Variants in DAAM2 observed in about 807,000 individuals in gnomAD.
The protein encoded by DAAM2 is dishevelled associated activator of morphogenesis 2.
Under a neutral mutation model 120.7 loss-of-function variants are expected in DAAM2, and 39 were observed. The observed-to-expected ratio is 0.32, with a 90% CI of 0.25 to 0.42. DAAM2 has a LOEUF of 0.42. DAAM2 is among the 10% of genes least tolerant of loss of function. DAAM2 has a pLI of 1.00. For synonymous variants in DAAM2, 488 were observed against 524.9 expected (o/e 0.93, Z 0.96); for missense variants, 1,283 against 1,401.7 (o/e 0.92, Z 1.35).
At chr6:39,804,775 C>T (rs1261388429) in intron 1 of DAAM2, among the ~76,000 whole-genome samples, 1 of 152,074 alleles carries the variant, frequency 6.6e-6, no homozygotes, top group Non-Finnish European at 1.5e-5. Flanking sequence ...TTGAAGTGAG[C>T]CGGAAGGTGT....
chr6:39,870,383 T>C lies in DAAM2; in HGVS notation c.917T>C (p.Met306Thr). The C allele has an allele frequency of 6.3e-7, 1 of 1,587,466 alleles. No homozygotes were observed. The highest frequency in any genetic ancestry group is 8.6e-7 in the Non-Finnish European group (1 of 1,165,726). ...CTACATCTACGGTATGAATTCCTGA[T>C]GCTGGGTATACAGCCTGTGATTGAC... ...FRLHLRYEFLMLGIQPVIDKL... is the reference protein window; with the variant it reads ...FRLHLRYEFLTLGIQPVIDKL... Residue 306 changes from methionine to threonine, a missense_variant, in exon 8 of 25, where the codon ATG (methionine) becomes ACG (threonine). Met to Thr is a moderately conservative substitution (Grantham distance 81). Coordinates refer to ENST00000274867, the MANE Select transcript of DAAM2 (RefSeq NM_001201427.2).
At chr6:39,808,168 G>C (rs1206402700) in intron 1 of DAAM2, among the ~76,000 whole-genome samples, 4 of 150,930 alleles carry the variant, frequency 2.7e-5, no homozygotes, top group Non-Finnish European at 5.9e-5. Flanking sequence ...AGTATAGGTT[G>C]GTCCAAAAAT....
rs752976832 is a variant in DAAM2 at position 39,904,780 on chromosome 6, A to ATAATC, written c.*2746_*2750dup. On this transcript the variant is annotated 3_prime_UTR_variant, in exon 25 of 25. Coordinates refer to ENST00000274867, the MANE Select transcript of DAAM2 (RefSeq NM_001201427.2). Reference sequence around the variant, plus strand: ...CAGATGACAAATGAGGCTAATGGACATAATCTACAGTGTCCTTTTTCACTT... The same window carrying ATAATC: ...CAGATGACAAATGAGGCTAATGGACATAATCTAATCTACAGTGTCCTTTTTCACTT... 4.4e-5 allele frequency: 20 copies of ATAATC among 454,024 alleles called. No homozygotes were observed. The highest frequency in any genetic ancestry group is 2.6e-4 in the South Asian group (17 of 64,472). The allele number at this position is 454,024 out of a possible 1,614,324, so 28.1% of individuals were successfully genotyped here. A position where few individuals can be genotyped will look rare whatever the true frequency, so the allele number is the denominator to read the frequency against.
intron 8 of DAAM2, 52 bp downstream of exon 8, chr6:39,870,495 G>A (rs1764614186): frequency 8.5e-7 from 1 of 1,178,784 alleles, no homozygotes; most frequent in South Asian, 1.3e-5. Flanking sequence ...CAGTGCCTCA[G>A]ATGGGGATAG....
At chr6:39,873,936 T>C (rs1395557214) in intron 10 of DAAM2, among the ~76,000 whole-genome samples, 1 of 152,204 alleles carries the variant, frequency 6.6e-6, no homozygotes, top group African/African-American at 2.4e-5. Flanking sequence ...CAGAATGCAA[T>C]TTGAAATGAG....
intron 1 of DAAM2, among the ~76,000 whole-genome samples, chr6:39,834,259 G>A (rs1763022476): frequency 6.6e-6 from 1 of 152,166 alleles, no homozygotes; most frequent in Non-Finnish European, 1.5e-5. Flanking sequence ...GATTTAGAGA[G>A]GGGCTTGTTG....
At chr6:39,895,678 C>G (rs2149368823) in intron 19 of DAAM2, among the ~76,000 whole-genome samples, 1 of 152,086 alleles carries the variant, frequency 6.6e-6, no homozygotes, top group Non-Finnish European at 1.5e-5. Flanking sequence ...ACTGAATATT[C>G]AAAAATCATA....
At position 39,861,262 on chromosome 6, in the gene DAAM2, G is replaced by A. The variant is rs918401320; in HGVS notation, c.258+245G>A. 2.2e-5 allele frequency: 12 copies of A among 545,758 alleles called. No homozygotes were observed. The East Asian group carries it at 4.0e-4, about 18-fold the overall frequency. 33.8% of individuals were successfully genotyped at this position (545,758 alleles called of 1,614,324 possible). The stretch of plus-strand genomic sequence containing the variant: ...AGGACCTGCTGCATCCCAGGACTGG[G>A]GCTTGCTGGGAGACAGACAAAGAAG... On this transcript the variant is annotated intron_variant, in intron 3 of 24. Transcript: ENST00000274867.
intron 14 of DAAM2, chr6:39,879,700 T>G (rs1255515890): frequency 1.6e-6 from 1 of 621,542 alleles, no homozygotes; most frequent in African/African-American, 1.8e-5. Context: ...ATGCTGACGT[T>G]GACAAAGTCA....
chr6:39,898,892 G>T lies in DAAM2; in HGVS notation c.2634G>T (p.Glu878Asp). ...EAAKVNLAEL[E>D]KEVGNLRRGL... ...CTCCTTACAGCCTAGCAGAACTGGA[G>T]AAGGAGGTGGGCAACCTCAGGAGGG... Residue 878 changes from glutamate (E) to aspartate (D), a missense_variant, in exon 22 of 25, where the codon GAG (glutamate) becomes GAT (aspartate). This residue lies in a region of DAAM2 where 748 missense variants were observed against 768.6 expected (regional missense o/e 0.97). Transcript: ENST00000274867. The T allele has an allele frequency of 6.2e-7, 1 of 1,612,846 alleles. No individual in the cohort carries two copies. The highest frequency in any genetic ancestry group is 8.5e-7 in the Non-Finnish European group (1 of 1,179,494).
At chr6:39,861,977 C>T (rs1582691588) in intron 3 of DAAM2, 1 of 152,236 alleles carries the variant, frequency 6.6e-6, no homozygotes, top group African/African-American at 2.4e-5. Flanking sequence ...AGACTTTATC[C>T]CATTCCGAGG....
chr6:39,863,369 C>T (rs546297930), intron 3 of DAAM2, among the ~76,000 whole-genome samples: 1 of 152,200 alleles, frequency 6.6e-6, no homozygotes, highest in African/African-American at 2.4e-5. Flanking sequence ...AACATTTAAC[C>T]ATGTGAAGTC....
At chr6:39,850,399 C>A (rs116299878) in intron 1 of DAAM2, among the ~76,000 whole-genome samples, 1,974 of 152,270 alleles carry the variant, frequency 0.013, 19 homozygotes, top group South Asian at 0.023. Context: ...CTTCTCAGGG[C>A]TGCCCAAACA....
At chr6:39,817,292 G>T (rs891353414) in intron 1 of DAAM2, among the ~76,000 whole-genome samples, 1 of 152,130 alleles carries the variant, frequency 6.6e-6, no homozygotes, top group African/African-American at 2.4e-5. Context: ...TTAAATCTAA[G>T]ATAAACAATG....
chr6:39,868,632 T>G, intron 6 of DAAM2, 191 bp from the exon 7 acceptor site: 1 of 580,340 alleles, frequency 1.7e-6, no homozygotes, highest in Non-Finnish European at 3.1e-6. Flanking sequence ...GCCACTGAGG[T>G]GAGAGGCAAG....
chr6:39,885,328 G>A (rs961975357), intron 15 of DAAM2: 1 of 152,020 alleles, frequency 6.6e-6, no homozygotes, highest in African/African-American at 2.4e-5. Context: ...TAAGGCTGCT[G>A]GAGCTGAAAG....
At chr6:39,826,072 G>T (rs868446278) in intron 1 of DAAM2, among the ~76,000 whole-genome samples, 26 of 152,156 alleles carry the variant, frequency 1.7e-4, no homozygotes, top group African/African-American at 5.6e-4. Context: ...CTTCCCCATT[G>T]GACATGTGTC....
At chr6:39,841,082 CTCCAGGGGGAGGGGT>C (rs1180954204) in intron 1 of DAAM2, among the ~76,000 whole-genome samples, 1 of 79,352 alleles carries the variant, frequency 1.3e-5, no homozygotes, top group African/African-American at 4.9e-5. Flanking sequence ...GGAAGAGGGG[CTCCAGGGGGAGGGGT>C]TCCAGGGTAG....
intron 1 of DAAM2, among the ~76,000 whole-genome samples, chr6:39,814,115 T>G (rs1275155650): frequency 6.6e-6 from 1 of 152,178 alleles, no homozygotes; most frequent in Non-Finnish European, 1.5e-5. Flanking sequence ...CAACACAAAT[T>G]CATAAAATTT....
Sources: allele counts gnomAD v4.1 joint callset (sites outside exome capture counted in the v4.1 genomes callset), GRCh38; gene constraint gnomAD v4.1.1; regional missense constraint gnomAD v4.1.1; transcripts MANE v1.5; gene names NCBI Gene and HGNC (gene_info 2026-07-23, HGNC 2026-07-21).